The following AMOTL1 variants were observed in gnomAD, a reference collection of about 807,000 sequenced individuals.
AMOTL1 encodes the protein angiomotin like 1.
AMOTL1 carries 45 observed loss-of-function variants against 102.9 expected under a neutral mutation model. The observed-to-expected ratio is 0.44, with a 90% CI of 0.34 to 0.56. The LOEUF (loss-of-function observed/expected upper bound fraction) is 0.56. Ranked by LOEUF, AMOTL1 falls within the 20% of genes least tolerant of loss-of-function variation. The pLI is 0.01. For missense variants in AMOTL1, 1,114 were observed against 1,225.6 expected (o/e 0.91, Z 1.36); for synonymous variants, 481 against 484.7 (o/e 0.99, Z 0.10).
chr11:94,808,251 A>G (rs1038588117), intron 3 of AMOTL1, among the ~76,000 whole-genome samples: 2 of 151,606 alleles, frequency 1.3e-5, no homozygotes, highest in Non-Finnish European at 2.9e-5. Flanking sequence ...TTCACTAAGC[A>G]AGACTAAGGC....
At position 94,768,409 on chromosome 11, in the gene AMOTL1, G is replaced by A; in HGVS notation, c.-103G>A. The stretch of plus-strand genomic sequence containing the variant: ...GCGGTTGTCGGGTTTGGGGCTGGAG[G>A]TGAAGCCCTGTGTGAATGGGGTTGA... On this transcript the variant is annotated 5_prime_UTR_variant, in exon 1 of 13. It adds an upstream start codon to the 5' untranslated region. Coordinates refer to ENST00000433060, the MANE Select transcript of AMOTL1 (RefSeq NM_130847.3). The A allele has an allele frequency of 6.5e-7, 1 of 1,530,214 alleles. No homozygotes were observed. The highest frequency in any genetic ancestry group is 8.8e-7 in the Non-Finnish European group (1 of 1,140,520). The allele number at this position is 1,530,214 out of a possible 1,614,324, so 94.8% of individuals were successfully genotyped here. A position where few individuals can be genotyped will look rare whatever the true frequency, so the allele number is the denominator to read the frequency against.
intron 1 of AMOTL1, among the ~76,000 whole-genome samples, chr11:94,713,355 A>G (rs920565857): frequency 2.6e-5 from 4 of 151,868 alleles, no homozygotes; most frequent in African/African-American, 4.8e-5. Context: ...AGTTTTAGAG[A>G]TCCTTGGGAC....
chr11:94,819,216 C>T (rs766837705), intron 3 of AMOTL1, among the ~76,000 whole-genome samples: 13 of 152,008 alleles, frequency 8.6e-5, no homozygotes, highest in Non-Finnish European at 1.5e-4. Flanking sequence ...ATCTCAGAAC[C>T]CCGAAATCAG....
intron 1 of AMOTL1, among the ~76,000 whole-genome samples, chr11:94,707,250 C>CTCTCTCTCTGTGTG (rs1338023479): frequency 2.8e-5 from 2 of 71,712 alleles, no homozygotes; most frequent in African/African-American, 8.0e-5. Context: ...CTCTCTCTCT[C>CTCTCTCTCTGTGTG]TGTGTGTGTG....
At chr11:94,847,739 T>A (rs1238154567) in intron 6 of AMOTL1, among the ~76,000 whole-genome samples, 1 of 133,202 alleles carries the variant, frequency 7.5e-6, no homozygotes, top group Non-Finnish European at 1.6e-5. Context: ...AATGCTGAGA[T>A]CATGTATATA....
At chr11:94,747,562 C>T (rs905270042) in intron 3 of AMOTL1, among the ~76,000 whole-genome samples, 1 of 152,222 alleles carries the variant, frequency 6.6e-6, no homozygotes, top group Non-Finnish European at 1.5e-5. Flanking sequence ...TTCCCAGTCT[C>T]CTCCTACCCC....
At chr11:94,736,625 C>T (rs535112616) in intron 2 of AMOTL1, among the ~76,000 whole-genome samples, 10 of 152,324 alleles carry the variant, frequency 6.6e-5, no homozygotes, top group Admixed American at 2.6e-4. Flanking sequence ...TTACCTATTT[C>T]GCTGCTCCTA....
chr11:94,741,135 G>C lies in AMOTL1; in HGVS notation c.136+147G>C, dbSNP rs796534416. The C allele has an allele frequency of 7.3e-5, 45 of 617,720 alleles. No homozygotes were observed. The African/African-American group carries it at 7.8e-4, about 11-fold the overall frequency. The allele number at this position is 617,720 out of a possible 1,614,324, so 38.3% of individuals were successfully genotyped here. ...GGGTCAGGGGACACCTGCTGCCTTC[G>C]CGGCCGGAACCGGCCTTTCCTCGGC... is the stretch of plus-strand genomic sequence containing the variant. On this transcript the variant is annotated intron_variant, in intron 3 of 4. Coordinates refer to the AMOTL1 transcript ENST00000299004.
At position 94,854,628 on chromosome 11, in the gene AMOTL1, A is replaced by G. The variant is rs542539656; in HGVS notation, c.1944+546A>G. On this transcript the variant is annotated intron_variant, in intron 8 of 12. Transcript: ENST00000433060. ...GGAAGTTTTTAAGCTGGAGAGAAACATGATGCAAGAGATCAGGGAGAGAGC... is the reference window on the plus strand; with the variant it reads ...GGAAGTTTTTAAGCTGGAGAGAAACGTGATGCAAGAGATCAGGGAGAGAGC... Among the ~76,000 whole-genome samples the G allele has an allele frequency of 2.6e-5, 4 of 152,264 alleles. No homozygotes were observed. In the East Asian group the frequency reaches 7.7e-4, roughly 29 times the overall value.
intron 6 of AMOTL1, among the ~76,000 whole-genome samples, chr11:94,835,361 G>A (rs962429187): frequency 1.3e-5 from 2 of 152,140 alleles, no homozygotes; most frequent in African/African-American, 4.8e-5. Context: ...GCATACCAGA[G>A]GCAGGTTACT....
intron 3 of AMOTL1, among the ~76,000 whole-genome samples, chr11:94,745,316 A>T (rs886951189): frequency 1.3e-5 from 2 of 150,742 alleles, no homozygotes; most frequent in African/African-American, 2.4e-5. Context: ...TTCTAATTGA[A>T]TTCCAACCTT....
At chr11:94,852,442 T>G (rs903135238) in intron 7 of AMOTL1, among the ~76,000 whole-genome samples, 1 of 152,222 alleles carries the variant, frequency 6.6e-6, no homozygotes, top group African/African-American at 2.4e-5. Flanking sequence ...TACACCCAGG[T>G]GCGGAATGAC....
chr11:94,854,450 C>T (rs558651141), intron 8 of AMOTL1, among the ~76,000 whole-genome samples: 12 of 152,218 alleles, frequency 7.9e-5, no homozygotes, highest in African/African-American at 1.4e-4. Context: ...GGCCCTGAAA[C>T]GACATAGCAC....
intron 6 of AMOTL1, among the ~76,000 whole-genome samples, chr11:94,841,235 G>A (rs920691062): frequency 1.3e-5 from 2 of 152,158 alleles, no homozygotes; most frequent in African/African-American, 4.8e-5. Context: ...GAGGTCAGGA[G>A]TTCAAGACCA....
chr11:94,768,681 C>A, intron 1 of AMOTL1, 121 bp downstream of exon 1: 1 of 1,433,990 alleles, frequency 7.0e-7, no homozygotes, highest in Non-Finnish European at 9.4e-7. Context: ...TCTGGGGGCC[C>A]GGGGCTGAGA....
intron 1 of AMOTL1, among the ~76,000 whole-genome samples, chr11:94,707,378 C>T (rs1220259072): frequency 5.3e-5 from 8 of 151,966 alleles, no homozygotes; most frequent in Admixed American, 5.2e-4. Flanking sequence ...AATCATACAA[C>T]TCTTATCAGC....
At chr11:94,787,213 C>A (rs1173708138) in intron 1 of AMOTL1, among the ~76,000 whole-genome samples, 2 of 152,004 alleles carry the variant, frequency 1.3e-5, no homozygotes, top group African/African-American at 4.8e-5. Context: ...AAAAGACTTT[C>A]TCATAATTAG....
intron 3 of AMOTL1, among the ~76,000 whole-genome samples, chr11:94,747,641 G>A (rs1014635439): frequency 2.9e-4 from 44 of 152,278 alleles, no homozygotes; most frequent in African/African-American, 1.0e-3. Context: ...AGTCAGGATA[G>A]GCTAAACCCC....
At chr11:94,868,013 C>T (rs192693294) in intron 11 of AMOTL1, among the ~76,000 whole-genome samples, 45 of 152,322 alleles carry the variant, frequency 3.0e-4, no homozygotes, top group African/African-American at 9.6e-4. Flanking sequence ...ATGTGGGAAG[C>T]GCAGGTGAAG....
Sources: allele counts gnomAD v4.1 joint callset (sites outside exome capture counted in the v4.1 genomes callset), GRCh38; gene constraint gnomAD v4.1.1; transcripts MANE v1.5; gene names NCBI Gene and HGNC (gene_info 2026-07-23, HGNC 2026-07-21).